Variants in BMP7 observed in about 807,000 individuals in gnomAD.
BMP7 encodes bone morphogenetic protein 7.
A neutral mutation model predicts 41.2 loss-of-function variants in BMP7; 12 were observed. The observed-to-expected ratio is 0.29, with a 90% CI of 0.19 to 0.47. The LOEUF (loss-of-function observed/expected upper bound fraction) is 0.47, where lower values mean the gene tolerates loss of function less well. Among genes scored for constraint, BMP7 ranks in the 20% least tolerant of loss-of-function variants. BMP7 has a pLI of 0.99. For synonymous variants in BMP7, 248 were observed against 250.0 expected (o/e 0.99, Z 0.07); for missense variants, 467 against 606.0 (o/e 0.77, Z 2.41).
At chr20:57,198,053 TCTCCTCTCCTCTCCC>T (rs1198409152) in intron 3 of BMP7, among the ~76,000 whole-genome samples, 4 of 144,874 alleles carry the variant, frequency 2.8e-5, no homozygotes, top group African/African-American at 9.9e-5. Context: ...GTGCCTTGCC[TCTCCTCTCCTCTCCC>T]CTCCTCTCCT....
At chr20:57,186,176 T>G (rs1391519452) in intron 3 of BMP7, among the ~76,000 whole-genome samples, 1 of 152,168 alleles carries the variant, frequency 6.6e-6, no homozygotes, top group African/African-American at 2.4e-5. Flanking sequence ...GTGTACAGCC[T>G]GACAAGCAAT....
At chr20:57,205,483 T>C (rs1488992835) in intron 2 of BMP7, among the ~76,000 whole-genome samples, 1 of 152,182 alleles carries the variant, frequency 6.6e-6, no homozygotes, top group Non-Finnish European at 1.5e-5. Context: ...CAATGAACCA[T>C]TAGCGATTCT....
At chr20:57,209,322 G>A (rs971330035) in intron 2 of BMP7, among the ~76,000 whole-genome samples, 65 of 144,474 alleles carry the variant, frequency 4.5e-4, no homozygotes, top group African/African-American at 1.5e-3. Flanking sequence ...GTACATGCCT[G>A]TAGTCCCAGC....
chr20:57,202,341 G>C, intron 3 of BMP7, 134 bp downstream of exon 3: 1 of 1,246,074 alleles, frequency 8.0e-7, no homozygotes, highest in Non-Finnish European at 1.1e-6. Flanking sequence ...TGGATCAAAA[G>C]GCTGAACATG....
intron 1 of BMP7, among the ~76,000 whole-genome samples, chr20:57,258,917 G>GT (rs2066143996): frequency 6.6e-6 from 1 of 152,188 alleles, no homozygotes; most frequent in Non-Finnish European, 1.5e-5. Flanking sequence ...GCTACCATTT[G>GT]TTTTACACCT....
intron 3 of BMP7, among the ~76,000 whole-genome samples, chr20:57,188,546 T>TAAAAAAAAAAA (rs577598390): frequency 8.5e-6 from 1 of 117,542 alleles, no homozygotes. Flanking sequence ...GAGAATATAC[T>TAAAAAAAAAAA]AAAAAAAAAA....
intron 2 of BMP7, among the ~76,000 whole-genome samples, chr20:57,225,224 G>A (rs185991914): frequency 1.5e-4 from 23 of 152,290 alleles, no homozygotes; most frequent in Admixed American, 2.6e-4. Context: ...TCTCTGAACA[G>A]GCGAGCTGGA....
At chr20:57,180,702 A>C (rs1984060758) in intron 4 of BMP7, among the ~76,000 whole-genome samples, 1 of 152,146 alleles carries the variant, frequency 6.6e-6, no homozygotes, top group African/African-American at 2.4e-5. Flanking sequence ...TGGGAGATCA[A>C]AGACCCCTTT....
At chr20:57,225,516 C>T (rs1985289232) in intron 2 of BMP7, among the ~76,000 whole-genome samples, 1 of 151,988 alleles carries the variant, frequency 6.6e-6, no homozygotes, top group Non-Finnish European at 1.5e-5. Flanking sequence ...GAGGGAGATT[C>T]AATTATTATC....
intron 3 of BMP7, among the ~76,000 whole-genome samples, chr20:57,189,045 G>A (rs1334050210): frequency 6.6e-6 from 1 of 152,180 alleles, no homozygotes. Context: ...AAGGGGGTGG[G>A]ACCTACACAT....
At chr20:57,235,550 C>T (rs532363648) in intron 1 of BMP7, among the ~76,000 whole-genome samples, 18 of 152,250 alleles carry the variant, frequency 1.2e-4, no homozygotes, top group African/African-American at 4.1e-4. Flanking sequence ...CGTTCAGGTA[C>T]GAGGCAGCTC....
At chr20:57,257,775 A>C (rs964369386) in intron 1 of BMP7, among the ~76,000 whole-genome samples, 5 of 151,270 alleles carry the variant, frequency 3.3e-5, no homozygotes, top group African/African-American at 7.3e-5. Context: ...AGGCTGTCTG[A>C]AAAAAAACAG....
intron 4 of BMP7, among the ~76,000 whole-genome samples, chr20:57,182,549 G>A (rs931583884): frequency 2.2e-4 from 34 of 152,362 alleles, no homozygotes; most frequent in Middle Eastern, 3.4e-3. Context: ...AGATGGCCCC[G>A]GCAATGCCCA....
intron 1 of BMP7, among the ~76,000 whole-genome samples, chr20:57,257,793 G>A (rs1274665036): frequency 7.5e-6 from 1 of 133,182 alleles, no homozygotes; most frequent in Admixed American, 8.0e-5. Context: ...CAGGAAAAGT[G>A]TCCTTTATTG....
intron 2 of BMP7, among the ~76,000 whole-genome samples, chr20:57,223,043 T>C (rs1985226246): frequency 6.6e-6 from 1 of 151,734 alleles, no homozygotes; most frequent in Non-Finnish European, 1.5e-5. Context: ...AGAAGGCCAA[T>C]ACATGGTGAA....
At chr20:57,226,976 G>A (rs144495392) in intron 2 of BMP7, among the ~76,000 whole-genome samples, 3,165 of 151,986 alleles carry the variant, frequency 0.021, 94 homozygotes, top group African/African-American at 0.072. Context: ...ACAGGCGCCC[G>A]CCACCATGCC....
At chr20:57,221,349 A>G (rs80255352) in intron 2 of BMP7, among the ~76,000 whole-genome samples, 4,752 of 152,276 alleles carry the variant, frequency 0.031, 96 homozygotes, top group South Asian at 0.066. Flanking sequence ...TGTGTGGAAA[A>G]TATGAATTGC....
chr20:57,209,566 A>G (rs1984833328), intron 2 of BMP7, among the ~76,000 whole-genome samples: 2 of 152,162 alleles, frequency 1.3e-5, no homozygotes, highest in South Asian at 2.1e-4. Flanking sequence ...ACATTCTAAC[A>G]TTAGACAGTG....
At position 57,265,916 on chromosome 20, in the gene BMP7, G is replaced by A. The variant is rs1048768000; in HGVS notation, c.207C>T (p.Arg69=). Residue 69 remains arginine (R), a synonymous_variant, in exon 1 of 7, where the codon CGC becomes CGT. Coordinates refer to ENST00000395863, the MANE Select transcript of BMP7 (RefSeq NM_001719.3). The part of the protein sequence containing the change: ...LSILGLPHRP[R]PHLQGKHNSA... ...AGTTGTGCTTGCCCTGGAGGTGCGG[G>A]CGCGGGCGGTGGGGCAAGCCCAAAA... 1.8e-5 allele frequency: 28 copies of A among 1,573,316 alleles called. No individual in the cohort carries two copies. The highest frequency in any genetic ancestry group is 2.4e-5 in the Non-Finnish European group (28 of 1,158,890).
Sources: allele counts gnomAD v4.1 joint callset (sites outside exome capture counted in the v4.1 genomes callset), GRCh38; gene constraint gnomAD v4.1.1; transcripts MANE v1.5; gene names NCBI Gene and HGNC (gene_info 2026-07-23, HGNC 2026-07-21).